ELAVL2: variants seen among roughly 807,000 people sequenced by gnomAD.
ELAVL2 encodes ELAV like RNA binding protein 2.
In ELAVL2, 4 loss-of-function variants were observed where a neutral mutation model predicts 34.6. That is an observed-to-expected ratio of 0.12 (90% CI 0.06 to 0.26). ELAVL2 has a LOEUF of 0.26. Ranked by LOEUF, ELAVL2 falls within the 10% of genes least tolerant of loss-of-function variation. The probability of loss-of-function intolerance (pLI) is 1.00; values close to 1 mark genes in which losing one functional copy is unlikely to be tolerated. For synonymous variants in ELAVL2, 193 were observed against 154.8 expected (o/e 1.25, Z -1.83); for missense variants, 432 against 442.8 (o/e 0.98, Z 0.22).
intron 1 of ELAVL2, among the ~76,000 whole-genome samples, chr9:23,822,139 G>A (rs1289455870): frequency 3.9e-5 from 6 of 152,118 alleles, no homozygotes; most frequent in Admixed American, 3.3e-4. Context: ...GCGCTAACGG[G>A]GAGTCAGAGC....
the ELAVL2 span, among the ~76,000 whole-genome samples, chr9:23,839,089 GCTAT>G: frequency 4.9e-4 from 75 of 152,160 alleles, no homozygotes; most frequent in African/African-American, 1.7e-3. Context: ...TCTAACAAGA[GCTAT>G]CTAACAAGTA....
At chr9:23,779,093 C>T in intron 1 of ELAVL2, 1 of 707,164 alleles carries the variant, frequency 1.4e-6, no homozygotes, top group Non-Finnish European at 1.7e-6. Context: ...AATCACCTGG[C>T]ACTACACCAG....
intron 2 of ELAVL2, among the ~76,000 whole-genome samples, chr9:23,742,654 T>G (rs972573700): frequency 6.6e-6 from 1 of 152,022 alleles, no homozygotes; most frequent in African/African-American, 2.4e-5. Context: ...TCCTTTTATA[T>G]CAAAAAGAAA....
chr9:23,802,567 T>C (rs554983059), intron 1 of ELAVL2, among the ~76,000 whole-genome samples: 160 of 152,332 alleles, frequency 1.1e-3, no homozygotes, highest in African/African-American at 3.4e-3. Context: ...AAGACTCAGA[T>C]GGGCCTAGCC....
chr9:23,831,781 C>A, the ELAVL2 span, among the ~76,000 whole-genome samples: 1 of 149,194 alleles, frequency 6.7e-6, no homozygotes, highest in African/African-American at 2.5e-5. Flanking sequence ...GCAGAGGGGG[C>A]GCCTGGAATG....
intron 2 of ELAVL2, among the ~76,000 whole-genome samples, chr9:23,749,060 G>T (rs1187079010): frequency 6.6e-6 from 1 of 152,062 alleles, no homozygotes; most frequent in Non-Finnish European, 1.5e-5. Context: ...ATGGATAAGG[G>T]TGACGGCTGC....
the ELAVL2 span, among the ~76,000 whole-genome samples, chr9:23,834,384 A>G: frequency 0.22 from 33,575 of 151,824 alleles, 4,105 homozygotes; most frequent in Non-Finnish European, 0.26. Context: ...CTTCAGACAC[A>G]TGGATTTGAA....
At chr9:23,727,952 T>C (rs984208482) in intron 3 of ELAVL2, among the ~76,000 whole-genome samples, 1 of 152,104 alleles carries the variant, frequency 6.6e-6, no homozygotes, top group Non-Finnish European at 1.5e-5. Context: ...TACTAAATTC[T>C]AAGTGGCTTG....
intron 1 of ELAVL2, among the ~76,000 whole-genome samples, chr9:23,784,193 C>T (rs189418253): frequency 1.2e-4 from 18 of 149,476 alleles, no homozygotes; most frequent in Middle Eastern, 4.0e-3. Context: ...AGCAAGACTC[C>T]GTCTCAAAAA....
chr9:23,792,221 A>C (rs185517105), intron 1 of ELAVL2, among the ~76,000 whole-genome samples: 1 of 152,352 alleles, frequency 6.6e-6, no homozygotes, highest in East Asian at 1.9e-4. Flanking sequence ...GATTTAAGGC[A>C]GGCTAGGCGA....
intron 2 of ELAVL2, among the ~76,000 whole-genome samples, chr9:23,757,352 G>A (rs567034482): frequency 6.6e-6 from 1 of 152,096 alleles, no homozygotes; most frequent in African/African-American, 2.4e-5. Flanking sequence ...TGGCAAAGAG[G>A]AAACATCCAG....
In ELAVL2 at chr9:23,729,747, C is replaced by T. The variant is rs149282572; in HGVS notation, c.333+1275G>A. On this transcript the variant is annotated intron_variant, in intron 3 of 6. Transcript: ENST00000397312. ...ATTTAGATAAGACAGGGCTGGTAGG[C>T]ATTTTTCTTAGGGGCCAATAAATAT... Among the ~76,000 whole-genome samples the T allele has an allele frequency of 1.3e-3, 195 of 152,062 alleles. 1 individual carries two copies. The Middle Eastern group carries it at 0.014, about 11-fold the overall frequency.
rs567872340 is a variant in ELAVL2 at position 23,704,199 on chromosome 9, T to C, written c.487+719A>G. Reference sequence around the variant, plus strand: ...CGCCCTCCTTGGCCTCCCAAAGTGCTTGGATTATAGGCATGAGCCACTGTG... The same window carrying C: ...CGCCCTCCTTGGCCTCCCAAAGTGCCTGGATTATAGGCATGAGCCACTGTG... On this transcript the variant is annotated intron_variant, in intron 4 of 6. Transcript: ENST00000397312. Among the ~76,000 whole-genome samples the C allele has an allele frequency of 2.9e-4, 43 of 150,104 alleles. 1 individual carries two copies. The South Asian group carries it at 8.8e-3, about 31-fold the overall frequency.
At chr9:23,804,270 T>G (rs1375157478) in intron 1 of ELAVL2, among the ~76,000 whole-genome samples, 13 of 151,466 alleles carry the variant, frequency 8.6e-5, no homozygotes, top group Admixed American at 3.3e-4. Flanking sequence ...ACCTCCTGGG[T>G]TCAAGCAATA....
chr9:23,736,362 T>C (rs927926838), intron 2 of ELAVL2, among the ~76,000 whole-genome samples: 2 of 152,120 alleles, frequency 1.3e-5, no homozygotes, highest in African/African-American at 4.8e-5. Flanking sequence ...TGCTAGGCCC[T>C]GAGAATGCAA....
chr9:23,811,613 C>G (rs2063013920), intron 1 of ELAVL2, among the ~76,000 whole-genome samples: 1 of 152,204 alleles, frequency 6.6e-6, no homozygotes, highest in Admixed American at 6.5e-5. Flanking sequence ...ATTATTTTGA[C>G]TTTTTCCTAG....
At chr9:23,769,313 A>C (rs965542453) in intron 1 of ELAVL2, among the ~76,000 whole-genome samples, 1 of 152,196 alleles carries the variant, frequency 6.6e-6, no homozygotes, top group African/African-American at 2.4e-5. Context: ...AATAAGTCAT[A>C]TGAGCTTATA....
chr9:23,735,178 T>TAACTG (rs1163383889), intron 2 of ELAVL2: 2 of 137,406 alleles, frequency 1.5e-5, no homozygotes, highest in Non-Finnish European at 3.1e-5. Flanking sequence ...ATTTGCCTGG[T>TAACTG]AACTGAACAT....
Position 23,700,734 on chromosome 9 carries a change from C to G in ELAVL2, c.713+645G>C, listed in dbSNP as rs572890294. ...GAAAGTCTGCCAACCTGTTTGTAAACAATTTTGAAAAGGAAGAGAGGAACT... is the reference window on the plus strand; with the variant it reads ...GAAAGTCTGCCAACCTGTTTGTAAAGAATTTTGAAAAGGAAGAGAGGAACT... On this transcript the variant is annotated intron_variant, in intron 5 of 6. Coordinates refer to ENST00000397312, the MANE Select transcript of ELAVL2 (RefSeq NM_004432.5). Among the ~76,000 whole-genome samples, 3 of 152,224 alleles carry G rather than the reference C, an allele frequency of 2.0e-5. No homozygotes were observed. The East Asian group carries it at 5.8e-4, about 29-fold the overall frequency.
Sources: gnomAD v4.1 joint callset for allele counts (sites outside exome capture counted in the v4.1 genomes callset) on GRCh38, gnomAD v4.1.1 for gene constraint, MANE v1.5 for transcripts, NCBI Gene and HGNC (gene_info 2026-07-23, HGNC 2026-07-21) for gene names.